The following VRK2 variants were observed in gnomAD, a reference collection of about 807,000 sequenced individuals.
VRK2 encodes the protein serine/threonine-protein kinase VRK2.
A neutral mutation model predicts 57.6 loss-of-function variants in VRK2; 60 were observed. That is an observed-to-expected ratio of 1.04 (90% confidence interval 0.85 to 1.29). The LOEUF (loss-of-function observed/expected upper bound fraction) is 1.29, where lower values mean the gene tolerates loss of function less well. Among genes scored for constraint, VRK2 ranks in the 50% most tolerant of loss-of-function variants. The pLI is 0.00. For missense variants in VRK2, 705 were observed against 588.1 expected (o/e 1.20, Z -2.06); for synonymous variants, 231 against 199.2 (o/e 1.16, Z -1.35).
chr2:58,139,981 T>C, intron 11 of VRK2, 149 bp downstream of exon 11: 1 of 772,642 alleles, frequency 1.3e-6, no homozygotes, highest in Non-Finnish European at 2.0e-6. Context: ...CCAAGAAAGT[T>C]TGTTCCAAGT....
intron 1 of VRK2, among the ~76,000 whole-genome samples, chr2:57,980,614 G>T (rs1400295893): frequency 6.6e-6 from 1 of 152,038 alleles, no homozygotes; most frequent in Non-Finnish European, 1.5e-5. Context: ...CTAATGATTT[G>T]TCCAACACTG....
chr2:57,938,900 C>T (rs922157002), intron 1 of VRK2, among the ~76,000 whole-genome samples: 3 of 152,084 alleles, frequency 2.0e-5, no homozygotes, highest in Non-Finnish European at 4.4e-5. Context: ...TTGGAAAATG[C>T]TCCATGGTTA....
chr2:57,994,578 T>C (rs1672868461), intron 1 of VRK2, among the ~76,000 whole-genome samples: 1 of 152,150 alleles, frequency 6.6e-6, no homozygotes, highest in African/African-American at 2.4e-5. Context: ...GCATAAGGAA[T>C]ATGGCAAATA....
intron 1 of VRK2, among the ~76,000 whole-genome samples, chr2:57,918,590 T>C (rs2103900234): frequency 6.6e-6 from 1 of 152,216 alleles, no homozygotes; most frequent in African/African-American, 2.4e-5. Context: ...TGATGGTAAA[T>C]GAATAGTGAG....
At chr2:58,055,390 A>G (rs1443184999) in intron 2 of VRK2, among the ~76,000 whole-genome samples, 1 of 152,208 alleles carries the variant, frequency 6.6e-6, no homozygotes, top group Non-Finnish European at 1.5e-5. Flanking sequence ...AGGACATGCC[A>G]TTTCTACTCC....
At chr2:57,933,724 G>A (rs1670815313) in intron 1 of VRK2, among the ~76,000 whole-genome samples, 1 of 151,516 alleles carries the variant, frequency 6.6e-6, no homozygotes, top group South Asian at 2.1e-4. Flanking sequence ...AATCCATTTA[G>A]ATCAAAGGTA....
chr2:58,105,439 GA>G (rs1211583922), intron 7 of VRK2, among the ~76,000 whole-genome samples: 2 of 151,672 alleles, frequency 1.3e-5, no homozygotes, highest in African/African-American at 2.4e-5. Context: ...TAAATATATG[GA>G]AAAAATGCTC....
At chr2:58,159,253 A>T (rs955054484) in intron 12 of VRK2, 96 bp from the exon 13 acceptor site, 1 of 945,744 alleles carries the variant, frequency 1.1e-6, no homozygotes, top group Non-Finnish European at 1.6e-6. Context: ...TTGATCTTGT[A>T]TAACATTTTA....
At chr2:58,084,615 G>A (rs77808574) in intron 3 of VRK2, among the ~76,000 whole-genome samples, 10,345 of 151,898 alleles carry the variant, frequency 0.068, 422 homozygotes, top group Non-Finnish European at 0.092. Flanking sequence ...AGTGCTTCTA[G>A]TAAGTGTTCT....
intron 7 of VRK2, among the ~76,000 whole-genome samples, chr2:58,117,666 T>G (rs569754114): frequency 6.4e-4 from 98 of 152,200 alleles, no homozygotes; most frequent in African/African-American, 2.1e-3. Context: ...ACGACAAGAA[T>G]TATTTAGATC....
intron 6 of VRK2, 29 bp downstream of exon 6, chr2:58,088,475 T>C (rs1032570513): frequency 1.0e-5 from 15 of 1,484,068 alleles, no homozygotes; most frequent in Non-Finnish European, 1.4e-5. Flanking sequence ...GCATGCTCCA[T>C]TTCCAAATTG....
chr2:58,135,004 T>C (rs1679806736), intron 9 of VRK2, 137 bp from the exon 10 acceptor site: 1 of 806,014 alleles, frequency 1.2e-6, no homozygotes, highest in African/African-American at 1.7e-5. Context: ...CTATCCATTA[T>C]AGTTGGGTGA....
At chr2:57,958,185 T>C (rs958801029) in intron 1 of VRK2, among the ~76,000 whole-genome samples, 2 of 152,164 alleles carry the variant, frequency 1.3e-5, no homozygotes, top group African/African-American at 2.4e-5. Flanking sequence ...ATTTTTGTTA[T>C]GTTTTGTTTT....
At chr2:57,978,485 T>C (rs1248029391) in intron 1 of VRK2, among the ~76,000 whole-genome samples, 4 of 151,016 alleles carry the variant, frequency 2.6e-5, no homozygotes, top group Non-Finnish European at 5.9e-5. Flanking sequence ...ATTTAAGTCA[T>C]TGACATCATA....
chr2:57,917,630 G>T (rs1670200317), intron 1 of VRK2, among the ~76,000 whole-genome samples: 1 of 150,750 alleles, frequency 6.6e-6, no homozygotes, highest in Admixed American at 6.7e-5. Context: ...TTGGGGTAAT[G>T]GTATCTAGAT....
At chr2:58,062,153 A>T (rs1210202977) in intron 2 of VRK2, among the ~76,000 whole-genome samples, 2 of 151,994 alleles carry the variant, frequency 1.3e-5, no homozygotes, top group Non-Finnish European at 2.9e-5. Flanking sequence ...TATATCTGTT[A>T]CGGTGATCTG....
chr2:58,074,443 GTA>G (rs1168962973), intron 2 of VRK2, among the ~76,000 whole-genome samples: 1 of 152,034 alleles, frequency 6.6e-6, no homozygotes, highest in Admixed American at 6.6e-5. Flanking sequence ...CTTTCTTGGA[GTA>G]TCAATTCTTC....
intron 12 of VRK2, among the ~76,000 whole-genome samples, chr2:58,155,903 A>G (rs183286607): frequency 4.8e-5 from 7 of 147,134 alleles, no homozygotes; most frequent in African/African-American, 1.8e-4. Flanking sequence ...GGTTACATAG[A>G]GCATGTTTTT....
At position 58,123,138 on chromosome 2, in the gene VRK2, G is replaced by A. The variant is rs1056212237; in HGVS notation, c.581G>A (p.Cys194Tyr). 11 of 1,599,434 alleles carry A rather than the reference G, an allele frequency of 6.9e-6. No homozygotes were observed. The highest frequency in any genetic ancestry group is 9.4e-6 in the Non-Finnish European group (11 of 1,175,914). ...LADYGLSYRY[C>Y]PNGNHKQYQE... Reference sequence around the variant, plus strand: ...GATTATGGACTTTCCTACAGATATTGTCCCAATGGGAACCACAAACAGTAT... The same window carrying A: ...GATTATGGACTTTCCTACAGATATTATCCCAATGGGAACCACAAACAGTAT... The change falls in exon 8 of 13, where the codon TGT (cysteine) becomes TAT (tyrosine). Residue 194 changes from cysteine to tyrosine, a missense_variant. Cys to Tyr is a radical substitution (Grantham distance 194). Coordinates refer to ENST00000340157, the MANE Select transcript of VRK2 (RefSeq NM_006296.7).
Sources: allele counts gnomAD v4.1 joint callset (sites outside exome capture counted in the v4.1 genomes callset), GRCh38; gene constraint gnomAD v4.1.1; transcripts MANE v1.5; gene names NCBI Gene and HGNC (gene_info 2026-07-23, HGNC 2026-07-21).